Variants in CHD7 observed in about 807,000 individuals in gnomAD.
CHD7 encodes chromodomain helicase DNA binding protein 7, also known as ATP-dependent chromatin remodeler CHD7.
CHD7 carries 24 observed loss-of-function variants against 307.3 expected under a neutral mutation model. The observed-to-expected ratio is 0.08, with a 90% confidence interval of 0.06 to 0.11. The LOEUF (loss-of-function observed/expected upper bound fraction) is 0.11. Ranked by LOEUF, CHD7 falls within the 10% of genes least tolerant of loss-of-function variation. CHD7 has a pLI of 1.00. For missense variants in CHD7, 3,106 were observed against 3,727.1 expected (o/e 0.83, Z 4.34); for synonymous variants, 1,363 against 1,349.9 (o/e 1.01, Z -0.21).
Position 60,866,015 on chromosome 8 carries a change from C to T in CHD7, c.*82C>T, listed in dbSNP as rs921675731. The T allele has an allele frequency of 2.4e-6, 3 of 1,272,876 alleles. No individual in the cohort carries two copies. The highest frequency in any genetic ancestry group is 2.1e-5 in the Admixed American group (1 of 48,240). The allele number at this position is 1,272,876 out of a possible 1,614,324, so 78.8% of individuals were successfully genotyped here. On this transcript the variant is annotated 3_prime_UTR_variant, in exon 38 of 38. Transcript: ENST00000423902. ...TTTACACTCACAGTTAATGTTCATA[C>T]CTAGTTTTATAAGCTGTTCTGTAAC...
chr8:60,699,121 C>T (rs1326180194), intron 1 of CHD7, among the ~76,000 whole-genome samples: 1 of 152,164 alleles, frequency 6.6e-6, no homozygotes, highest in Non-Finnish European at 1.5e-5. Context: ...AACTTGAGAG[C>T]AATTAGATAT....
intron 1 of CHD7, among the ~76,000 whole-genome samples, chr8:60,737,649 A>G (rs1808776372): frequency 6.6e-6 from 1 of 152,228 alleles, no homozygotes; most frequent in Non-Finnish European, 1.5e-5. Flanking sequence ...CCTTTAGTTC[A>G]CATCTCAGAA....
intron 2 of CHD7, among the ~76,000 whole-genome samples, chr8:60,757,972 T>C (rs1288066543): frequency 6.6e-6 from 1 of 152,238 alleles, no homozygotes; most frequent in Non-Finnish European, 1.5e-5. Flanking sequence ...ATCCTGATGC[T>C]CTTAAATATT....
At chr8:60,704,939 A>G (rs1039014778) in intron 1 of CHD7, among the ~76,000 whole-genome samples, 2 of 152,252 alleles carry the variant, frequency 1.3e-5, no homozygotes, top group African/African-American at 4.8e-5. Context: ...GGACTGTTCA[A>G]TCACATGCCT....
intron 1 of CHD7, among the ~76,000 whole-genome samples, chr8:60,699,012 G>A (rs932533889): frequency 1.3e-5 from 2 of 152,208 alleles, no homozygotes; most frequent in South Asian, 2.1e-4. Flanking sequence ...TCCCAAAGAG[G>A]TGGGACTACA....
intron 2 of CHD7, among the ~76,000 whole-genome samples, chr8:60,779,953 C>T (rs1274232152): frequency 6.6e-6 from 1 of 152,162 alleles, no homozygotes; most frequent in African/African-American, 2.4e-5. Context: ...GCATATATGC[C>T]TGGCACATAG....
In CHD7 at chr8:60,808,206, T is replaced by G. The variant is rs2150723881; in HGVS notation, c.2443-11T>G. ...TTTTAAATACATGCCTGAAATTTTC[T>G]TTTGTTGCAGAAGGAATCTGGAGAG... On this transcript the variant is annotated splice_polypyrimidine_tract_variant and intron_variant, in intron 6 of 37. Coordinates refer to ENST00000423902, the MANE Select transcript of CHD7 (RefSeq NM_017780.4). The G allele has an allele frequency of 1.3e-6, 2 of 1,580,916 alleles. No homozygotes were observed. Among genetic ancestry groups the G allele is most frequent in the Admixed American group, 3.4e-5 (2 of 58,800 alleles).
intron 8 of CHD7, among the ~76,000 whole-genome samples, chr8:60,817,895 A>G (rs962498360): frequency 1.1e-4 from 16 of 152,222 alleles, no homozygotes; most frequent in East Asian, 9.7e-4. Context: ...CAAAAGCGCA[A>G]TGGTAGCTTT....
rs527437192 is a variant in CHD7 at position 60,718,373 on chromosome 8, G to A, written c.-174-22886G>A. ...GGCGCTAATCTCAGATACTCGGGAG[G>A]CTGAGGCAGGAGAATCTCTTGAACC... On this transcript the variant is annotated intron_variant, in intron 1 of 37. Coordinates refer to ENST00000423902, the MANE Select transcript of CHD7 (RefSeq NM_017780.4). Among the ~76,000 whole-genome samples the A allele has an allele frequency of 9.2e-5, 14 of 152,202 alleles. No homozygotes were observed. The East Asian group carries it at 2.7e-3, about 29-fold the overall frequency.
At chr8:60,699,292 G>A (rs1806641175) in intron 1 of CHD7, among the ~76,000 whole-genome samples, 1 of 152,154 alleles carries the variant, frequency 6.6e-6, no homozygotes, top group Non-Finnish European at 1.5e-5. Flanking sequence ...AAGATGAAGT[G>A]TAGGAGCTGT....
intron 2 of CHD7, among the ~76,000 whole-genome samples, chr8:60,756,087 A>G (rs985245010): frequency 1.5e-4 from 23 of 152,266 alleles, no homozygotes; most frequent in African/African-American, 4.3e-4. Flanking sequence ...TTAAATAGCC[A>G]TGAGGCTAGT....
chr8:60,859,381 G>A (rs1245798767), intron 34 of CHD7, among the ~76,000 whole-genome samples: 1 of 152,220 alleles, frequency 6.6e-6, no homozygotes, highest in African/African-American at 2.4e-5. Context: ...AGCAACAGTG[G>A]ACAAGCTGGC....
intron 1 of CHD7, among the ~76,000 whole-genome samples, chr8:60,702,373 T>A (rs1257719654): frequency 1.3e-5 from 2 of 152,252 alleles, no homozygotes; most frequent in Non-Finnish European, 2.9e-5. Context: ...GTATCCCCCC[T>A]ACTTTTTACT....
chr8:60,792,853 C>CT (rs1346624309), intron 3 of CHD7, among the ~76,000 whole-genome samples: 1 of 152,184 alleles, frequency 6.6e-6, no homozygotes, highest in Non-Finnish European at 1.5e-5. Flanking sequence ...TGGTTCAACT[C>CT]TTTGACAGGC....
intron 2 of CHD7, among the ~76,000 whole-genome samples, chr8:60,752,344 T>C (rs1452146379): frequency 1.3e-5 from 2 of 152,218 alleles, no homozygotes; most frequent in African/African-American, 4.8e-5. Context: ...GCAAGTGTTC[T>C]AGCTTAACTT....
At chr8:60,850,193 C>A (rs1805389761) in intron 25 of CHD7, among the ~76,000 whole-genome samples, 1 of 152,110 alleles carries the variant, frequency 6.6e-6, no homozygotes, top group Non-Finnish European at 1.5e-5. Context: ...AAAATTAGAT[C>A]TGGGGAAAAA....
At chr8:60,726,759 C>T (rs1297496994) in intron 1 of CHD7, among the ~76,000 whole-genome samples, 1 of 152,184 alleles carries the variant, frequency 6.6e-6, no homozygotes, top group Non-Finnish European at 1.5e-5. Context: ...ACAAGCACCT[C>T]ATGACCACCA....
At chr8:60,796,375 T>C (rs567406972) in intron 4 of CHD7, among the ~76,000 whole-genome samples, 1 of 152,374 alleles carries the variant, frequency 6.6e-6, no homozygotes, top group African/African-American at 2.4e-5. Flanking sequence ...CTGGTCTTAC[T>C]GAATCAAGTG....
At chr8:60,694,624 C>T (rs1806369263) in intron 1 of CHD7, among the ~76,000 whole-genome samples, 1 of 152,190 alleles carries the variant, frequency 6.6e-6, no homozygotes, top group African/African-American at 2.4e-5. Context: ...CTGCAAGGAC[C>T]AGGGCAAGAG....
Sources: allele counts gnomAD v4.1 joint callset (sites outside exome capture counted in the v4.1 genomes callset), GRCh38; gene constraint gnomAD v4.1.1; transcripts MANE v1.5; gene names NCBI Gene and HGNC (gene_info 2026-07-23, HGNC 2026-07-21).